Variants in AUTS2 observed in about 807,000 individuals in gnomAD.
The protein encoded by AUTS2 is activator of transcription and developmental regulator AUTS2.
In AUTS2, 17 loss-of-function variants were observed where a neutral mutation model predicts 112.4. The ratio of observed to expected loss-of-function variants is 0.15; its 90% CI spans 0.10 to 0.23. The LOEUF (loss-of-function observed/expected upper bound fraction) is 0.23, where lower values mean the gene tolerates loss of function less well. Ranked by LOEUF, AUTS2 falls within the 10% of genes least tolerant of loss-of-function variation. The pLI, the probability that AUTS2 is intolerant of heterozygous loss-of-function variation, is 1.00. For synonymous variants in AUTS2, 751 were observed against 702.7 expected, an observed-to-expected ratio of 1.07 and a Z score of -1.09; for missense variants, 1,510 against 1,701.6, an observed-to-expected ratio of 0.89 and a Z score of 1.98.
At chr7:69,875,145 T>C (rs1793675328) in intron 1 of AUTS2, among the ~76,000 whole-genome samples, 1 of 152,160 alleles carries the variant, frequency 6.6e-6, no homozygotes, top group Non-Finnish European at 1.5e-5. Context: ...GATGAGCTTT[T>C]TGCTCTCTTT....
chr7:69,806,699 G>T (rs1790324014), intron 1 of AUTS2, among the ~76,000 whole-genome samples: 1 of 152,200 alleles, frequency 6.6e-6, no homozygotes, highest in South Asian at 2.1e-4. Context: ...GGCAGAGAGA[G>T]AAAGTAAGCA....
chr7:70,203,342 A>T (rs1379930232), intron 4 of AUTS2, among the ~76,000 whole-genome samples: 1 of 37,128 alleles, frequency 2.7e-5, no homozygotes, highest in Admixed American at 3.8e-4. Context: ...CTTAGAGTAT[A>T]ATAAAAAAAA....
intron 1 of AUTS2, among the ~76,000 whole-genome samples, chr7:69,615,381 C>T (rs1223603498): frequency 6.6e-6 from 1 of 152,194 alleles, no homozygotes; most frequent in Non-Finnish European, 1.5e-5. Flanking sequence ...TGGCCTACTG[C>T]AACCTCTGCC....
chr7:69,740,595 C>T (rs1282363866), intron 1 of AUTS2, among the ~76,000 whole-genome samples: 9 of 151,734 alleles, frequency 5.9e-5, no homozygotes, highest in Non-Finnish European at 1.5e-5. Context: ...GTGATCTTGG[C>T]TCACTGCAAC....
intron 2 of AUTS2, among the ~76,000 whole-genome samples, chr7:70,066,315 G>A (rs1378467035): frequency 6.6e-6 from 1 of 152,026 alleles, no homozygotes; most frequent in African/African-American, 2.4e-5. Flanking sequence ...TGTTTAAAAA[G>A]CTAAATTTAA....
chr7:70,464,553 A>G (rs1397787201), intron 5 of AUTS2, among the ~76,000 whole-genome samples: 1 of 152,196 alleles, frequency 6.6e-6, no homozygotes, highest in African/African-American at 2.4e-5. Flanking sequence ...CTAGGGTCTC[A>G]CGGCTAGTAC....
At chr7:69,930,998 G>C (rs948385504) in intron 2 of AUTS2, among the ~76,000 whole-genome samples, 2 of 152,116 alleles carry the variant, frequency 1.3e-5, no homozygotes, top group Non-Finnish European at 2.9e-5. Context: ...TATGTTGATA[G>C]AGCAGAATTA....
intron 4 of AUTS2, among the ~76,000 whole-genome samples, chr7:70,322,172 A>T (rs1342413770): frequency 2.6e-5 from 4 of 152,138 alleles, no homozygotes; most frequent in African/African-American, 9.7e-5. Flanking sequence ...GACTTTTTTT[A>T]AAGGGAAAAA....
chr7:70,659,472 C>T (rs1246074194), intron 5 of AUTS2, among the ~76,000 whole-genome samples: 7 of 152,186 alleles, frequency 4.6e-5, no homozygotes, highest in Admixed American at 1.3e-4. Context: ...CTAGGTTCCA[C>T]GGCTGTGTCA....
intron 1 of AUTS2, among the ~76,000 whole-genome samples, chr7:69,852,419 G>T (rs1008805869): frequency 3.3e-5 from 5 of 151,734 alleles, no homozygotes; most frequent in African/African-American, 1.2e-4. Flanking sequence ...ATTGGAAAGT[G>T]TCTGCTTTCC....
At chr7:70,033,540 C>T (rs1393501182) in intron 2 of AUTS2, among the ~76,000 whole-genome samples, 2 of 152,046 alleles carry the variant, frequency 1.3e-5, no homozygotes, top group Non-Finnish European at 2.9e-5. Context: ...ATCAGATACT[C>T]CTTGGCAGAG....
intron 2 of AUTS2, among the ~76,000 whole-genome samples, chr7:70,073,752 A>G (rs2129563259): frequency 6.6e-6 from 1 of 152,306 alleles, no homozygotes; most frequent in South Asian, 2.1e-4. Context: ...TTTCTAACAT[A>G]GAAATGCCCT....
At chr7:70,313,220 C>T (rs1789840687) in intron 4 of AUTS2, among the ~76,000 whole-genome samples, 1 of 152,168 alleles carries the variant, frequency 6.6e-6, no homozygotes, top group Admixed American at 6.5e-5. Flanking sequence ...GGCAGTTTGA[C>T]GAGGACCTGC....
At chr7:70,057,773 A>G (rs1290563446) in intron 2 of AUTS2, among the ~76,000 whole-genome samples, 4 of 152,194 alleles carry the variant, frequency 2.6e-5, no homozygotes, top group African/African-American at 9.7e-5. Flanking sequence ...CATGTTATAA[A>G]ATGCCTCAGT....
intron 2 of AUTS2, among the ~76,000 whole-genome samples, chr7:69,980,754 T>A (rs1798262645): frequency 6.6e-6 from 1 of 152,194 alleles, no homozygotes; most frequent in Non-Finnish European, 1.5e-5. Flanking sequence ...TGTCCAAGTA[T>A]CAACTCTGGA....
chr7:69,924,241 T>C, intron 2 of AUTS2, among the ~76,000 whole-genome samples: 1 of 152,316 alleles, frequency 6.6e-6, no homozygotes, highest in Non-Finnish European at 1.5e-5. Flanking sequence ...ATACATTGAT[T>C]GGTTTTTAAA....
intron 4 of AUTS2, among the ~76,000 whole-genome samples, chr7:70,352,003 T>C (rs1247083867): frequency 1.3e-5 from 2 of 152,212 alleles, no homozygotes; most frequent in African/African-American, 2.4e-5. Context: ...AGGCCCAGCC[T>C]TGACCATTAT....
chr7:70,426,251 T>C (rs560288965), intron 4 of AUTS2, among the ~76,000 whole-genome samples: 1 of 152,310 alleles, frequency 6.6e-6, no homozygotes, highest in East Asian at 1.9e-4. Context: ...ACCCTTCTCT[T>C]TTCTAGAACA....
intron 4 of AUTS2, among the ~76,000 whole-genome samples, chr7:70,215,163 TC>T (rs1304221022): frequency 5.3e-5 from 8 of 152,172 alleles, no homozygotes; most frequent in African/African-American, 1.9e-4. Flanking sequence ...CATCTTTTAG[TC>T]CTAGCTACTC....
Sources: allele counts gnomAD v4.1 joint callset (sites outside exome capture counted in the v4.1 genomes callset), GRCh38; gene constraint gnomAD v4.1.1; transcripts MANE v1.5; gene names NCBI Gene and HGNC (gene_info 2026-07-23, HGNC 2026-07-21).